TNRC18: variants seen among roughly 807,000 people sequenced by gnomAD.
TNRC18 encodes the protein trinucleotide repeat containing 18.
TNRC18 carries 69 observed loss-of-function variants against 226.7 expected under a neutral mutation model. The observed-to-expected ratio is 0.30, with a 90% CI of 0.25 to 0.37. TNRC18 has a LOEUF of 0.37. Ranked by LOEUF, TNRC18 falls within the 10% of genes least tolerant of loss-of-function variation. The pLI, the probability that TNRC18 is intolerant of heterozygous loss-of-function variation, is 1.00. For missense variants in TNRC18, 4,754 were observed against 4,256.6 expected, an observed-to-expected ratio of 1.12 and a Z score of -3.25; for synonymous variants, 2,449 against 1,927.6, an observed-to-expected ratio of 1.27 and a Z score of -7.09.
chr7:5,359,213 G>A (rs1171955567), intron 15 of TNRC18, among the ~76,000 whole-genome samples, 185 bp downstream of exon 15: 1 of 152,148 alleles, frequency 6.6e-6, no homozygotes. Flanking sequence ...GACCTCCTCT[G>A]GGCCTTAATC....
chr7:5,361,294 A>G (rs1290400911), intron 14 of TNRC18, among the ~76,000 whole-genome samples: 1 of 152,182 alleles, frequency 6.6e-6, no homozygotes, highest in Non-Finnish European at 1.5e-5. Context: ...GGCGCGTGGA[A>G]AAGAGGAGGA....
In TNRC18 at chr7:5,345,772, C is replaced by T. The variant is rs1331899036; in HGVS notation, c.5509G>A (p.Glu1837Lys). 9 of 1,546,678 alleles carry T rather than the reference C, an allele frequency of 5.8e-6. No homozygotes were observed. The highest frequency in any genetic ancestry group is 2.7e-5 in the African/African-American group (2 of 72,954). The change falls in exon 18 of 30, where the codon GAG becomes AAG. Residue 1837 changes from glutamate to lysine, a missense_variant. Coordinates refer to ENST00000430969, the MANE Select transcript of TNRC18 (RefSeq NM_001080495.3). ...CCACCGCTGGCCTCGTCCTCCTCCTCGAGCTCCTCCTCCTCGTCCTCCTCC... is the reference window on the plus strand; with the variant it reads ...CCACCGCTGGCCTCGTCCTCCTCCTTGAGCTCCTCCTCCTCGTCCTCCTCC... ...SEEEDEEEEL[E>K]EEDEASGGGY...
chr7:5,354,862 C>T (rs893117870), intron 16 of TNRC18, among the ~76,000 whole-genome samples: 17 of 152,198 alleles, frequency 1.1e-4, no homozygotes, highest in Admixed American at 3.9e-4. Context: ...GATATCTTAA[C>T]TCTGAGTCCA....
Position 5,321,151 on chromosome 7 carries a change from T to C in TNRC18, c.6482A>G (p.Asp2161Gly). The C allele has an allele frequency of 6.4e-7, 1 of 1,553,610 alleles. No homozygotes were observed. ...CATGGGGATGAGCACACGCAGGCCGTCCTTCAGCTCATCCTTGTCGATGAT... is the reference window on the plus strand; with the variant it reads ...CATGGGGATGAGCACACGCAGGCCGCCCTTCAGCTCATCCTTGTCGATGAT... The part of the protein sequence containing the change: ...SCIIDKDELK[D>G]GLRVLIPMDD... The change falls in exon 22 of 30, where the codon GAC (aspartate) becomes GGC (glycine). Residue 2161 changes from aspartate to glycine, a missense_variant. Coordinates refer to ENST00000430969, the MANE Select transcript of TNRC18 (RefSeq NM_001080495.3).
intron 5 of TNRC18, among the ~76,000 whole-genome samples, chr7:5,379,839 G>C (rs1297772847): frequency 6.6e-6 from 1 of 152,184 alleles, no homozygotes; most frequent in Non-Finnish European, 1.5e-5. Flanking sequence ...CCTTGGGGCC[G>C]GCCTTCCCAG....
In TNRC18 at chr7:5,313,325, G is replaced by A. The variant is rs759287371; in HGVS notation, c.7566C>T (p.Asp2522=). ...EPKAPWPKAT[D]GDLAQEPGPG... ...GCCCGGGCTCCTGGGCGAGGTCCCC[G>A]TCGGTGGCCTTGGGCCAGGGTGCCT... The change falls in exon 27 of 30, where the codon GAC becomes GAT. Residue 2522 remains aspartate (D), a synonymous_variant. Coordinates refer to ENST00000430969, the MANE Select transcript of TNRC18 (RefSeq NM_001080495.3). 6.4e-6 allele frequency: 10 copies of A among 1,551,438 alleles called. No homozygotes were observed. Among genetic ancestry groups the A allele is most frequent in the African/African-American group, 5.5e-5 (4 of 73,134 alleles).
intron 18 of TNRC18, among the ~76,000 whole-genome samples, chr7:5,334,383 G>A (rs1249294564): frequency 2.0e-5 from 3 of 151,088 alleles, no homozygotes; most frequent in Admixed American, 6.6e-5. Context: ...TGCAAGCTCC[G>A]CTTCCCGGGT....
rs1789728262 is a variant in TNRC18 at position 5,333,132 on chromosome 7, C to T, written c.5720-83G>A. On this transcript the variant is annotated intron_variant, in intron 18 of 29. Transcript: ENST00000430969. ...CCCAGCCACATGGACACCATTCCTCCCCGGCGGGACCTCCCCGCCAATGGC... is the reference window on the plus strand; with the variant it reads ...CCCAGCCACATGGACACCATTCCTCTCCGGCGGGACCTCCCCGCCAATGGC... The T allele has an allele frequency of 2.1e-6, 3 of 1,447,476 alleles. No homozygotes were observed. In the South Asian group the frequency reaches 3.7e-5, roughly 18 times the overall value. 89.7% of individuals were successfully genotyped at this position (1,447,476 alleles called of 1,614,324 possible). A position where few individuals can be genotyped will look rare whatever the true frequency, so the allele number is the denominator to read the frequency against.
In TNRC18 at chr7:5,351,847, G is replaced by A. The variant is rs762832555; in HGVS notation, c.5442C>T (p.Ser1814=). 2.4e-5 allele frequency: 38 copies of A among 1,604,344 alleles called. No homozygotes were observed. Among genetic ancestry groups the A allele is most frequent in the South Asian group, 4.4e-5 (4 of 90,092 alleles). Reference sequence around the variant, plus strand: ...GGTCAAACGATTCCTCCGAAGAGTCGCTGAAGGAGGAACGCGCCTCGGCCT... The same window carrying A: ...GGTCAAACGATTCCTCCGAAGAGTCACTGAAGGAGGAACGCGCCTCGGCCT... ...LREAEARSSF[S]DSSEESFDQD... Residue 1814 remains serine (S), a synonymous_variant, in exon 17 of 30, where the codon AGC becomes AGT. Coordinates refer to ENST00000430969, the MANE Select transcript of TNRC18 (RefSeq NM_001080495.3).
At chr7:5,342,428 CAAA>C (rs557401325) in intron 18 of TNRC18, among the ~76,000 whole-genome samples, 4 of 86,452 alleles carry the variant, frequency 4.6e-5, no homozygotes, top group Non-Finnish European at 4.8e-5. Context: ...GACTCAGTCT[CAAA>C]AAAAAAAAAA....
chr7:5,375,973 G>A (rs961333632), intron 9 of TNRC18, 61 bp downstream of exon 9: 108 of 1,477,996 alleles, frequency 7.3e-5, no homozygotes, highest in African/African-American at 4.5e-4. Context: ...TGGCTGACTC[G>A]TCTGCCTCGT....
Position 5,388,420 on chromosome 7 carries a change from G to C in TNRC18, c.1404C>G (p.Pro468=), listed in dbSNP as rs1010694473. 7 of 1,482,484 alleles carry C rather than the reference G, an allele frequency of 4.7e-6. No individual in the cohort carries two copies. Among genetic ancestry groups the C allele is most frequent in the Non-Finnish European group, 6.2e-6 (7 of 1,127,358 alleles). 91.8% of individuals were successfully genotyped at this position (1,482,484 alleles called of 1,614,324 possible). Residue 468 remains proline (P), a synonymous_variant, in exon 5 of 30, where the codon CCC becomes CCG. Transcript: ENST00000430969. ...GCTCGCAGGGCCTCGGGTCCGCCTC[G>C]GGCTTGAGCAGCTCCTTGGCAGGCA... ...AYVPAKELLK[P]EADPRPCERA... is the part of the protein sequence containing the mutation.
chr7:5,378,122 G>T, intron 5 of TNRC18, 98 bp from the exon 6 acceptor site: 1 of 930,384 alleles, frequency 1.1e-6, no homozygotes, highest in Non-Finnish European at 1.6e-6. Flanking sequence ...GCCCCCCAGA[G>T]CCCCGACGGT....
rs61741395 is a variant in TNRC18 at position 5,359,476 on chromosome 7, G to A, written c.4755C>T (p.Ala1585=). 2.5e-6 allele frequency: 4 copies of A among 1,613,844 alleles called. No homozygotes were observed. The highest frequency in any genetic ancestry group is 3.4e-6 in the Non-Finnish European group (4 of 1,179,886). ...CCCTGGCTTTCCCCATTCCGATGAG[G>A]GCATCATGTTCCTCCTCAGACCCCT... is the stretch of plus-strand genomic sequence containing the variant. The part of the protein sequence containing the change: ...RHKGSEEEHD[A]LIGMGKARGR... Residue 1585 remains alanine, a synonymous_variant, in exon 15 of 30, where the codon GCC becomes GCT. Transcript: ENST00000430969.
intron 16 of TNRC18, among the ~76,000 whole-genome samples, chr7:5,356,515 C>T (rs1288325414): frequency 2.0e-5 from 3 of 152,262 alleles, no homozygotes; most frequent in Non-Finnish European, 4.4e-5. Context: ...ACCTCTAGGA[C>T]CCTCAAGAGC....
intron 2 of TNRC18, among the ~76,000 whole-genome samples, chr7:5,414,933 T>C (rs1361833670): frequency 6.6e-6 from 1 of 152,238 alleles, no homozygotes; most frequent in Admixed American, 6.5e-5. Flanking sequence ...AGTTGCATTT[T>C]TCCAGTCTCT....
At position 5,324,562 on chromosome 7, in the gene TNRC18, G is replaced by A. The variant is rs1002813947; in HGVS notation, c.6301-207C>T. Among the ~76,000 whole-genome samples the A allele has an allele frequency of 1.8e-4, 27 of 152,138 alleles. No individual in the cohort carries two copies. Among genetic ancestry groups the A allele is most frequent in the East Asian group, 5.8e-4 (3 of 5,190 alleles). ...CCCAGCTGGCCCATGCTCAGTACTC[G>A]GTGCTCAATACTCAGTACTCTGTGC... On this transcript the variant is annotated intron_variant, in intron 20 of 29. Coordinates refer to ENST00000430969, the MANE Select transcript of TNRC18 (RefSeq NM_001080495.3). The surrounding 1 kb of genome is among the most constrained non-coding windows in gnomAD (Gnocchi z 4.8).
intron 5 of TNRC18, among the ~76,000 whole-genome samples, chr7:5,384,129 T>C (rs1779589417): frequency 6.6e-6 from 1 of 152,082 alleles, no homozygotes; most frequent in Non-Finnish European, 1.5e-5. Context: ...CACACTTGGC[T>C]AATATTGTAT....
chr7:5,413,589 G>C (rs922810752), intron 2 of TNRC18, among the ~76,000 whole-genome samples: 2 of 152,210 alleles, frequency 1.3e-5, no homozygotes, highest in African/African-American at 2.4e-5. Context: ...GAGTGCAGTG[G>C]TGCGACCACA....
Sources: gnomAD v4.1 joint callset for allele counts (sites outside exome capture counted in the v4.1 genomes callset) on GRCh38, gnomAD v4.1.1 for gene constraint, Gnocchi (gnomAD v3.1) non-coding constraint, MANE v1.5 for transcripts, NCBI Gene and HGNC (gene_info 2026-07-23, HGNC 2026-07-21) for gene names.